RGS6: variants seen among roughly 807,000 people sequenced by gnomAD.
The protein encoded by RGS6 is regulator of G protein signaling 6, also known as regulator of G-protein signaling 6.
A neutral mutation model predicts 78.5 loss-of-function variants in RGS6; 30 were observed. The ratio of observed to expected loss-of-function variants is 0.38; its 90% CI spans 0.29 to 0.52. RGS6 has a LOEUF of 0.52. Ranked by LOEUF, RGS6 falls within the 20% of genes least tolerant of loss-of-function variation. The pLI, the probability that RGS6 is intolerant of heterozygous loss-of-function variation, is 0.85. For synonymous variants in RGS6, 206 were observed against 206.0 expected (o/e 1.00, Z 0.00); for missense variants, 495 against 609.7 (o/e 0.81, Z 1.98).
chr14:72,062,299 G>T lies in RGS6; in HGVS notation c.84+97424G>T, dbSNP rs576722951. On this transcript the variant is annotated intron_variant, in intron 2 of 17. Transcript: ENST00000553525. The stretch of plus-strand genomic sequence containing the variant: ...AAAGAGACCAGTGTGGCTGGAAGAA[G>T]GGTGAGCAAGTGAGGAGAGGTGGGT... Among the ~76,000 whole-genome samples, 34 of 152,330 alleles carry T rather than the reference G, an allele frequency of 2.2e-4. 2 individuals carry two copies. Among genetic ancestry groups the T allele is most frequent in the African/African-American group, 7.5e-4 (31 of 41,588 alleles).
the RGS6 span, among the ~76,000 whole-genome samples, chr14:71,890,084 C>A: frequency 6.6e-6 from 1 of 152,106 alleles, no homozygotes; most frequent in African/African-American, 2.4e-5. Context: ...TTCTGTATAG[C>A]CTGCAGAACC....
chr14:72,611,106 C>T, the RGS6 span, among the ~76,000 whole-genome samples: 3 of 152,280 alleles, frequency 2.0e-5, no homozygotes, highest in East Asian at 5.8e-4. Context: ...AGGAGCCTTC[C>T]CTTGGGCCAC....
Position 72,450,467 on chromosome 14 carries a change from G to C in RGS6, c.185-4061G>C, listed in dbSNP as rs190072071. On this transcript the variant is annotated intron_variant, in intron 3 of 17. Coordinates refer to ENST00000553525, the MANE Select transcript of RGS6 (RefSeq NM_001204424.2). The stretch of plus-strand genomic sequence containing the variant: ...ACGCATGCAATGGAGAGGTGTTTTG[G>C]GTGCCGTCTGGTGTATATCCTGGAT... Among the ~76,000 whole-genome samples the C allele has an allele frequency of 1.6e-4, 25 of 152,194 alleles. No homozygotes were observed. The East Asian group carries it at 4.8e-3, about 29-fold the overall frequency.
chr14:71,945,059 T>C (rs1223473729), intron 1 of RGS6, among the ~76,000 whole-genome samples: 1 of 152,218 alleles, frequency 6.6e-6, no homozygotes, highest in Admixed American at 6.5e-5. Context: ...TGACTTGTGG[T>C]GCATGACTGT....
At chr14:72,480,145 G>A (rs969634607) in intron 12 of RGS6, among the ~76,000 whole-genome samples, 2 of 152,180 alleles carry the variant, frequency 1.3e-5, no homozygotes, top group Non-Finnish European at 2.9e-5. Context: ...CCACATTCTG[G>A]ATAATCTTCA....
the RGS6 span, among the ~76,000 whole-genome samples, chr14:72,601,157 T>A: frequency 8.5e-5 from 13 of 152,228 alleles, no homozygotes; most frequent in Non-Finnish European, 1.6e-4. Flanking sequence ...CCCTTCATCC[T>A]AACCCGAAAG....
At chr14:71,941,444 C>T (rs2152957885) in intron 1 of RGS6, among the ~76,000 whole-genome samples, 1 of 152,294 alleles carries the variant, frequency 6.6e-6, no homozygotes, top group East Asian at 1.9e-4. Context: ...GTACCAAAAT[C>T]TGTATTAGGT....
At chr14:72,194,770 C>G (rs1411232724) in intron 2 of RGS6, among the ~76,000 whole-genome samples, 2 of 152,118 alleles carry the variant, frequency 1.3e-5, no homozygotes, top group Non-Finnish European at 2.9e-5. Flanking sequence ...AAAAATAGAG[C>G]AGAAGAGGGA....
chr14:71,952,122 C>A (rs2092378834), intron 1 of RGS6, among the ~76,000 whole-genome samples: 1 of 151,836 alleles, frequency 6.6e-6, no homozygotes, highest in South Asian at 2.1e-4. Context: ...GTTTTTCTTG[C>A]CTGTTGTATA....
At chr14:72,331,259 A>AAG (rs1417719324) in intron 2 of RGS6, among the ~76,000 whole-genome samples, 1 of 152,174 alleles carries the variant, frequency 6.6e-6, no homozygotes, top group African/African-American at 2.4e-5. Flanking sequence ...AAAAAAAAAA[A>AAG]AAAAAAATGA....
intron 2 of RGS6, among the ~76,000 whole-genome samples, chr14:72,066,927 T>A (rs1471633346): frequency 6.6e-6 from 1 of 152,094 alleles, no homozygotes; most frequent in Admixed American, 6.6e-5. Context: ...TTTTGGAATT[T>A]AAGATTTTTG....
chr14:72,299,132 A>G (rs1239625624), intron 2 of RGS6, among the ~76,000 whole-genome samples: 4 of 152,198 alleles, frequency 2.6e-5, no homozygotes, highest in Non-Finnish European at 5.9e-5. Context: ...TAGCATCTTT[A>G]TAGAGATATA....
chr14:71,881,705 C>T, the RGS6 span, among the ~76,000 whole-genome samples: 4 of 152,170 alleles, frequency 2.6e-5, no homozygotes, highest in Admixed American at 6.5e-5. Context: ...ATTACCCAGT[C>T]TCAGGTATGT....
chr14:71,978,807 C>T (rs1415954361), intron 2 of RGS6, among the ~76,000 whole-genome samples: 12 of 151,962 alleles, frequency 7.9e-5, no homozygotes, highest in Non-Finnish European at 8.8e-5. Flanking sequence ...TCCCTCTTTT[C>T]CTATTGATTG....
At chr14:71,941,524 A>G (rs1566875876) in intron 1 of RGS6, among the ~76,000 whole-genome samples, 1 of 152,210 alleles carries the variant, frequency 6.6e-6, no homozygotes, top group Non-Finnish European at 1.5e-5. Flanking sequence ...CACTTACACA[A>G]TCACAAGGTC....
chr14:72,611,514 A>AC, the RGS6 span, among the ~76,000 whole-genome samples: 2,150 of 148,276 alleles, frequency 0.015, 42 homozygotes, highest in African/African-American at 0.051. Flanking sequence ...TGAAGCCCCC[A>AC]CCCCCCCAGT....
the RGS6 span, among the ~76,000 whole-genome samples, chr14:71,890,936 G>A: frequency 1.3e-5 from 2 of 152,198 alleles, no homozygotes; most frequent in African/African-American, 2.4e-5. Flanking sequence ...TTAGTACTCA[G>A]TGGGACTTCT....
intron 2 of RGS6, among the ~76,000 whole-genome samples, chr14:71,967,523 A>G (rs2153061122): frequency 6.6e-6 from 1 of 152,306 alleles, no homozygotes; most frequent in Middle Eastern, 3.4e-3. Context: ...TTTCTTTGGA[A>G]GTCCTTTTGT....
At chr14:72,546,311 G>A (rs2097401939) in intron 17 of RGS6, among the ~76,000 whole-genome samples, 1 of 152,184 alleles carries the variant, frequency 6.6e-6, no homozygotes, top group Admixed American at 6.5e-5. Context: ...AAATATAAAA[G>A]TCTATTTTTT....
Sources: allele counts gnomAD v4.1 joint callset (sites outside exome capture counted in the v4.1 genomes callset), GRCh38; gene constraint gnomAD v4.1.1; transcripts MANE v1.5; gene names NCBI Gene and HGNC (gene_info 2026-07-23, HGNC 2026-07-21).